HHIP: variants seen among roughly 807,000 people sequenced by gnomAD.
The protein encoded by HHIP is hedgehog-interacting protein.
In HHIP, 12 loss-of-function variants were observed where a neutral mutation model predicts 74.0. That is an observed-to-expected ratio of 0.16 (90% confidence interval 0.10 to 0.26). The LOEUF (loss-of-function observed/expected upper bound fraction) is 0.26, where lower values mean the gene tolerates loss of function less well. Ranked by LOEUF, HHIP falls within the 10% of genes least tolerant of loss-of-function variation. HHIP has a pLI of 1.00. For missense variants in HHIP, 788 were observed against 845.0 expected (o/e 0.93, Z 0.84); for synonymous variants, 309 against 311.6 (o/e 0.99, Z 0.09).
intron 1 of HHIP, among the ~76,000 whole-genome samples, chr4:144,651,304 A>C (rs1178501040): frequency 6.6e-6 from 1 of 152,056 alleles, no homozygotes; most frequent in East Asian, 1.9e-4. Context: ...GCTACAACCC[A>C]TTATACATTT....
chr4:144,729,816 T>C (rs1703150173), intron 11 of HHIP, among the ~76,000 whole-genome samples: 1 of 26,918 alleles, frequency 3.7e-5, no homozygotes, highest in Non-Finnish European at 8.8e-5. Context: ...TCAGGATATC[T>C]ACATAAGTAT....
At chr4:144,647,746 G>A (rs189882757) in intron 1 of HHIP, among the ~76,000 whole-genome samples, 1 of 152,242 alleles carries the variant, frequency 6.6e-6, no homozygotes, top group African/African-American at 2.4e-5. Context: ...TTTTGAGTTT[G>A]CAATATCGTT....
At chr4:144,694,913 T>C (rs1440696855) in intron 4 of HHIP, among the ~76,000 whole-genome samples, 2 of 151,948 alleles carry the variant, frequency 1.3e-5, no homozygotes, top group East Asian at 3.9e-4. Flanking sequence ...TTCCATAAAA[T>C]TAACTTTTGT....
At chr4:144,698,247 T>C (rs1729876853) in intron 4 of HHIP, among the ~76,000 whole-genome samples, 1 of 152,174 alleles carries the variant, frequency 6.6e-6, no homozygotes, top group South Asian at 2.1e-4. Context: ...GATGAGCTTG[T>C]GTCCCAACAG....
At position 144,734,800 on chromosome 4, in the gene HHIP, A is replaced by T. The variant is rs1175239556; in HGVS notation, c.1820A>T (p.Glu607Val). Reference sequence around the variant, plus strand: ...CAACCTGCACAGACACTGACTTCAGAGTGCTCCAGGCTCTGTCGAAACGGC... The same window carrying T: ...CAACCTGCACAGACACTGACTTCAGTGTGCTCCAGGCTCTGTCGAAACGGC... ...TVQPAQTLTS[E>V]CSRLCRNGYC... The change falls in exon 12 of 13, where the codon GAG becomes GTG. Residue 607 changes from glutamate to valine, a missense_variant. Physicochemically the swap from Glu to Val is moderately radical, Grantham distance 121. Around this residue, in one of 3 missense-constraint regions of HHIP, gnomAD observed 343 missense variants for 347.9 expected, o/e 0.99. Transcript: ENST00000296575. 1.2e-6 allele frequency: 2 copies of T among 1,612,616 alleles called. No individual in the cohort carries two copies. The highest frequency in any genetic ancestry group is 3.3e-5 in the Admixed American group (2 of 59,988).
intron 4 of HHIP, among the ~76,000 whole-genome samples, chr4:144,684,232 A>ATTTTTTTTTTTTTTTTT (rs1174297815): frequency 1.6e-5 from 1 of 63,008 alleles, no homozygotes; most frequent in African/African-American, 6.2e-5. Context: ...AAAAAAAAGA[A>ATTTTTTTTTTTTTTTTT]TTTTTTTTTT....
intron 4 of HHIP, among the ~76,000 whole-genome samples, chr4:144,674,105 T>C (rs896679156): frequency 3.2e-4 from 48 of 152,224 alleles, no homozygotes; most frequent in Admixed American, 7.8e-4. Flanking sequence ...ATTCTCTGTT[T>C]GGAAAGAATA....
At chr4:144,673,208 T>C (rs1285521476) in intron 4 of HHIP, among the ~76,000 whole-genome samples, 1 of 152,220 alleles carries the variant, frequency 6.6e-6, no homozygotes, top group Non-Finnish European at 1.5e-5. Context: ...TGAGATTCCT[T>C]TCATTTCTAC....
At position 144,738,401 on chromosome 4, in the gene HHIP, A is replaced by G. The variant is rs1731181531; in HGVS notation, c.*444A>G. 1.0e-6 allele frequency: 1 copy of G among 963,152 alleles called. No individual in the cohort carries two copies. The highest frequency in any genetic ancestry group is 1.2e-6 in the Non-Finnish European group (1 of 809,434). 59.7% of individuals were successfully genotyped at this position (963,152 alleles called of 1,614,324 possible). On this transcript the variant is annotated 3_prime_UTR_variant, in exon 13 of 13. Transcript: ENST00000296575. ...AAAAAAGGCAATATTTTTATATTAA[A>G]GTACTATACTAGGAGAGAATGTTTC...
At chr4:144,706,712 AT>A (rs780181426) in intron 5 of HHIP, 30 bp downstream of exon 5, 1 of 1,558,104 alleles carries the variant, frequency 6.4e-7, no homozygotes, top group Non-Finnish European at 8.7e-7. Context: ...AAGCATAGAA[AT>A]TTCTCATCTT....
intron 11 of HHIP, among the ~76,000 whole-genome samples, chr4:144,730,180 CA>C (rs1397923709): frequency 3.0e-4 from 46 of 152,182 alleles, no homozygotes; most frequent in African/African-American, 1.1e-3. Flanking sequence ...TCCCTTCTTT[CA>C]AAAAAGTATC....
rs1236019420 is a variant in HHIP, at chr4:144,744,863, C to A, written c.*6906C>A. 1 of 152,168 alleles carries A rather than the reference C, an allele frequency of 6.6e-6. No homozygotes were observed. Among genetic ancestry groups the A allele is most frequent in the Admixed American group, 6.5e-5 (1 of 15,270 alleles). The allele number at this position is 152,168 out of a possible 1,614,324, so 9.4% of individuals were successfully genotyped here. On this transcript the variant is annotated 3_prime_UTR_variant, in exon 13 of 13. Coordinates refer to ENST00000296575, the MANE Select transcript of HHIP (RefSeq NM_022475.3). ...ATCCAACGGCACCAGTTCAGCTCAA[C>A]TTTAGAATTCAGCAGTAACAGTACA...
At chr4:144,699,513 G>A (rs1405819700) in intron 4 of HHIP, among the ~76,000 whole-genome samples, 1 of 152,082 alleles carries the variant, frequency 6.6e-6, no homozygotes, top group Non-Finnish European at 1.5e-5. Context: ...AACCTCTCTT[G>A]CTCCCTGGGG....
chr4:144,720,483 T>G (rs956706882), intron 11 of HHIP, among the ~76,000 whole-genome samples: 6 of 152,178 alleles, frequency 3.9e-5, no homozygotes, highest in Non-Finnish European at 8.8e-5. Flanking sequence ...TCTGGATTGT[T>G]TAGTCTGTGG....
chr4:144,685,685 T>C (rs564176755), intron 4 of HHIP: 3 of 151,956 alleles, frequency 2.0e-5, no homozygotes, highest in East Asian at 1.9e-4. Flanking sequence ...GAAAAAAAAA[T>C]AGAAGAAGGA....
rs534618414 is a variant in HHIP, at chr4:144,740,923, T to C, written c.*2966T>C. ...ATGATGTTATAGTTGTTTTAAATGG[T>C]TGGAAATAACCTTTCTACTACTGTT... On this transcript the variant is annotated 3_prime_UTR_variant, in exon 13 of 13. Transcript: ENST00000296575. 2.0e-5 allele frequency: 3 copies of C among 152,318 alleles called. No homozygotes were observed. Among genetic ancestry groups the C allele is most frequent in the African/African-American group, 7.2e-5 (3 of 41,584 alleles). 9.4% of individuals were successfully genotyped at this position (152,318 alleles called of 1,614,324 possible).
intron 4 of HHIP, among the ~76,000 whole-genome samples, chr4:144,692,385 T>C (rs1729698662): frequency 6.6e-6 from 1 of 152,152 alleles, no homozygotes; most frequent in Non-Finnish European, 1.5e-5. Context: ...CATATTTCTG[T>C]ACTCTTCTCT....
chr4:144,737,916 A>G lies in HHIP; in HGVS notation c.2062A>G (p.Met688Val). 6.2e-7 allele frequency: 1 copy of G among 1,612,340 alleles called. No individual in the cohort carries two copies. Among genetic ancestry groups the G allele is most frequent in the Non-Finnish European group, 8.5e-7 (1 of 1,179,060 alleles). ...RAGILDQIID[M>V]TSYLLDLTSY... The stretch of plus-strand genomic sequence containing the variant: ...AGGTATTCTTGATCAGATCATTGAC[A>G]TGACATCTTACTTGCTGGATCTAAC... Residue 688 changes from methionine to valine, a missense_variant, in exon 13 of 13, where the codon ATG becomes GTG. Transcript: ENST00000296575.
chr4:144,658,903 T>C lies in HHIP; in HGVS notation c.586T>C (p.Leu196=), dbSNP rs1728624837. The change falls in exon 3 of 13, where the codon TTG becomes CTG. Residue 196 remains leucine (L), a synonymous_variant. Transcript: ENST00000296575. ...KQVRGPASNY[L]DQMEEYDKVE... is the part of the protein sequence containing the mutation. ...AGTCAGAGGACCAGCATCTAACTAC[T>C]TGGACCAGATGGAAGAATATGACAA... The C allele has an allele frequency of 1.2e-6, 2 of 1,613,432 alleles. No individual in the cohort carries two copies. The highest frequency in any genetic ancestry group is 1.7e-6 in the Non-Finnish European group (2 of 1,179,626).
Sources: allele counts gnomAD v4.1 joint callset (sites outside exome capture counted in the v4.1 genomes callset), GRCh38; gene constraint gnomAD v4.1.1; regional missense constraint gnomAD v4.1.1; transcripts MANE v1.5; gene names NCBI Gene and HGNC (gene_info 2026-07-23, HGNC 2026-07-21).